CUX2: variants seen among roughly 807,000 people sequenced by gnomAD.
The protein encoded by CUX2 is cut like homeobox 2, also known as homeobox protein cut-like 2.
CUX2 carries 40 observed loss-of-function variants against 144.8 expected under a neutral mutation model. That is an observed-to-expected ratio of 0.28 (90% CI 0.21 to 0.36). The LOEUF is 0.36. Among genes scored for constraint, CUX2 ranks in the 10% least tolerant of loss-of-function variants. CUX2 has a pLI of 1.00. For synonymous variants in CUX2, 827 were observed against 875.6 expected (o/e 0.94, Z 0.98); for missense variants, 1,615 against 1,994.0 (o/e 0.81, Z 3.62).
Position 111,291,511 on chromosome 12 carries a change from A to G in CUX2, c.395A>G (p.His132Arg). The change falls in exon 5 of 22, where the codon CAC (histidine) becomes CGC (arginine). Residue 132 changes from histidine to arginine, a missense_variant. His to Arg is a conservative substitution (Grantham distance 29). Transcript: ENST00000261726. ...AGTGGGCAGCCCCGGCGAGACCTCCACACTTCGTGGAAGAGGAACCCCGAG... is the reference window on the plus strand; with the variant it reads ...AGTGGGCAGCCCCGGCGAGACCTCCGCACTTCGTGGAAGAGGAACCCCGAG... ...DPSGQPRRDL[H>R]TSWKRNPELL... 6.2e-7 allele frequency: 1 copy of G among 1,611,990 alleles called. No homozygotes were observed.
intron 18 of CUX2, among the ~76,000 whole-genome samples, chr12:111,333,108 C>T (rs1318174273): frequency 1.3e-5 from 2 of 152,124 alleles, no homozygotes; most frequent in Admixed American, 6.5e-5. Context: ...ACTTAGGAGG[C>T]TGAGGCACAA....
At chr12:111,167,697 TG>T (rs879490685) in intron 1 of CUX2, among the ~76,000 whole-genome samples, 3,674 of 146,090 alleles carry the variant, frequency 0.025, 60 homozygotes, top group African/African-American at 0.049. Context: ...TTTGTTTGTT[TG>T]TTTGTTTCTT....
chr12:111,300,824 G>A (rs944747960), intron 9 of CUX2, among the ~76,000 whole-genome samples: 2 of 152,146 alleles, frequency 1.3e-5, no homozygotes, highest in Non-Finnish European at 2.9e-5. Flanking sequence ...GATCACTTGA[G>A]CCCAGGAGTT....
In CUX2 at chr12:111,061,123, G is replaced by A. The variant is rs565785558; in HGVS notation, c.63+26883G>A. On this transcript the variant is annotated intron_variant, in intron 1 of 21. Coordinates refer to ENST00000261726, the MANE Select transcript of CUX2 (RefSeq NM_015267.4). This position sits in a 1 kb window ranked among gnomAD's most constrained non-coding sequence, Gnocchi z 4.2. ...GGCTGTGGCCCTGCAGAGGCCAGCC[G>A]CTGATCAGTGAGTCTCTGCAGGCCC... Among the ~76,000 whole-genome samples the A allele has an allele frequency of 2.0e-5, 3 of 151,814 alleles. No individual in the cohort carries two copies. The highest frequency in any genetic ancestry group is 1.9e-4 in the East Asian group (1 of 5,130).
At chr12:111,267,935 C>T (rs925566371) in intron 4 of CUX2, among the ~76,000 whole-genome samples, 1 of 152,138 alleles carries the variant, frequency 6.6e-6, no homozygotes, top group Non-Finnish European at 1.5e-5. Context: ...AATCTTCCTG[C>T]CTCAGCCTCC....
chr12:111,084,725 A>T (rs1872098916), intron 1 of CUX2, among the ~76,000 whole-genome samples: 2 of 152,256 alleles, frequency 1.3e-5, no homozygotes, highest in African/African-American at 4.8e-5. Context: ...TTTTAAAAGC[A>T]AAATGGTATG....
chr12:111,299,409 C>T (rs917466983), intron 9 of CUX2, among the ~76,000 whole-genome samples: 6 of 152,130 alleles, frequency 3.9e-5, no homozygotes, highest in African/African-American at 1.4e-4. Flanking sequence ...GCTCTTTGGG[C>T]GCAGGGTGGG....
chr12:111,330,195 G>A (rs772893965), intron 18 of CUX2, among the ~76,000 whole-genome samples: 6 of 152,186 alleles, frequency 3.9e-5, no homozygotes, highest in Non-Finnish European at 7.3e-5. Flanking sequence ...GGGCCATGAT[G>A]CTGCTACTTC....
Position 111,293,563 on chromosome 12 carries a change from A to G in CUX2, c.554A>G (p.Lys185Arg). 6.3e-7 allele frequency: 1 copy of G among 1,578,180 alleles called. No individual in the cohort carries two copies. The highest frequency in any genetic ancestry group is 1.2e-5 in the South Asian group (1 of 86,128). The change falls in exon 6 of 22, where the codon AAA (lysine) becomes AGA (arginine). Residue 185 changes from lysine (K) to arginine (R), a missense_variant. Physicochemically the swap from Lys to Arg is conservative, Grantham distance 26. Around this residue, in one of 12 missense-constraint regions of CUX2, gnomAD observed 295 missense variants for 400.2 expected, o/e 0.74. Transcript: ENST00000261726. The surrounding 1 kb of genome is among the most constrained non-coding windows in gnomAD (Gnocchi z 4.5). ...ETLLQRNEAEKQKGLQEVQIT... is the reference protein window; with the variant it reads ...ETLLQRNEAERQKGLQEVQIT... ...TTGCTGCAGAGAAATGAGGCGGAAA[A>G]ACAAAAGTGAGGAAGGGAAGGTGGG...
At chr12:111,078,745 G>C (rs1871680923) in intron 1 of CUX2, among the ~76,000 whole-genome samples, 1 of 152,160 alleles carries the variant, frequency 6.6e-6, no homozygotes, top group African/African-American at 2.4e-5. Flanking sequence ...GTTTTGAACA[G>C]GGGGGTGGCT....
intron 4 of CUX2, among the ~76,000 whole-genome samples, chr12:111,266,892 C>G (rs938278099): frequency 6.6e-6 from 1 of 152,170 alleles, no homozygotes; most frequent in Non-Finnish European, 1.5e-5. Context: ...CACCTGCAAG[C>G]TGGTTAGAAA....
Position 111,322,717 on chromosome 12 carries a change from A to G in CUX2, c.2926+137A>G. The G allele has an allele frequency of 1.8e-6, 2 of 1,136,636 alleles. No homozygotes were observed. The allele number at this position is 1,136,636 out of a possible 1,614,324, so 70.4% of individuals were successfully genotyped here. ...CCTGGCTTTCATCCCAGTCACTGTC[A>G]TGGCTGCACTGGAACATGGCGGGGG... is the stretch of plus-strand genomic sequence containing the variant. On this transcript the variant is annotated intron_variant, in intron 18 of 21. Coordinates refer to ENST00000261726, the MANE Select transcript of CUX2 (RefSeq NM_015267.4). This position sits in a 1 kb window ranked among gnomAD's most constrained non-coding sequence, Gnocchi z 4.2.
chr12:111,194,911 C>G (rs1880145912), intron 1 of CUX2, among the ~76,000 whole-genome samples: 2 of 152,232 alleles, frequency 1.3e-5, no homozygotes, highest in Admixed American at 6.5e-5. Flanking sequence ...AGCTGTCCAG[C>G]TCCTGTACCA....
intron 1 of CUX2, among the ~76,000 whole-genome samples, chr12:111,199,096 A>G (rs537678032): frequency 1.3e-5 from 2 of 152,296 alleles, no homozygotes; most frequent in African/African-American, 2.4e-5. Context: ...GAAATAATCC[A>G]GGCAGGGGAG....
Position 111,246,665 on chromosome 12 carries a change from T to A in CUX2, c.223-17096T>A, listed in dbSNP as rs1195802710. Among the ~76,000 whole-genome samples, 1 of 152,202 alleles carries A rather than the reference T, an allele frequency of 6.6e-6. No individual in the cohort carries two copies. Among genetic ancestry groups the A allele is most frequent in the Non-Finnish European group, 1.5e-5 (1 of 68,032 alleles). ...TGGAATTTGGACCACAGACTCCACG[T>A]TTGCAAAGTTGGACTTAGAGGAATG... On this transcript the variant is annotated intron_variant, in intron 3 of 21. Coordinates refer to ENST00000261726, the MANE Select transcript of CUX2 (RefSeq NM_015267.4). The surrounding 1 kb of genome is among the most constrained non-coding windows in gnomAD (Gnocchi z 4.0).
At chr12:111,113,980 C>G (rs1874136119) in intron 1 of CUX2, among the ~76,000 whole-genome samples, 1 of 152,196 alleles carries the variant, frequency 6.6e-6, no homozygotes, top group Non-Finnish European at 1.5e-5. Flanking sequence ...TTTGTTTATT[C>G]ATTGACCTGG....
chr12:111,208,868 G>T (rs538118290), intron 1 of CUX2, among the ~76,000 whole-genome samples: 4 of 152,268 alleles, frequency 2.6e-5, no homozygotes, highest in African/African-American at 9.6e-5. Flanking sequence ...AGGCAGCAAT[G>T]ATTTGTTTTT....
Position 111,322,321 on chromosome 12 carries a change from C to CA in CUX2, c.2767-77dup, listed in dbSNP as rs147389725. ...CGACAGACAAAGCGAGACTCTGCCTCAAAAAAAAAAAAAAAAAAAAAAAGG... is the reference window on the plus strand; with the variant it reads ...CGACAGACAAAGCGAGACTCTGCCTCAAAAAAAAAAAAAAAAAAAAAAAAGG... On this transcript the variant is annotated intron_variant, in intron 17 of 21. Coordinates refer to ENST00000261726, the MANE Select transcript of CUX2 (RefSeq NM_015267.4). This position sits in a 1 kb window ranked among gnomAD's most constrained non-coding sequence, Gnocchi z 4.2. 0.064 allele frequency: 48,067 copies of CA among 752,902 alleles called. 2 individuals carry two copies. Among genetic ancestry groups the CA allele is most frequent in the Non-Finnish European group, 0.074 (40,324 of 545,638 alleles). 46.6% of individuals were successfully genotyped at this position (752,902 alleles called of 1,614,324 possible).
At chr12:111,343,309 G>A (rs1188623160) in intron 21 of CUX2, among the ~76,000 whole-genome samples, 2 of 152,092 alleles carry the variant, frequency 1.3e-5, no homozygotes, top group African/African-American at 4.8e-5. Context: ...ACAAGTCACT[G>A]GCCTGAAGTA....
Sources: allele counts gnomAD v4.1 joint callset (sites outside exome capture counted in the v4.1 genomes callset), GRCh38; gene constraint gnomAD v4.1.1; regional missense constraint gnomAD v4.1.1; non-coding constraint Gnocchi (gnomAD v3.1); transcripts MANE v1.5; gene names NCBI Gene and HGNC (gene_info 2026-07-23, HGNC 2026-07-21).